Variants in RSRC1 observed in about 807,000 individuals in gnomAD.
The protein encoded by RSRC1 is serine/Arginine-related protein 53.
Under a neutral mutation model 49.1 loss-of-function variants are expected in RSRC1, and 39 were observed. That is an observed-to-expected ratio of 0.79 (90% CI 0.61 to 1.04). The LOEUF is 1.04. Among genes scored for constraint, RSRC1 ranks in the 50% least tolerant of loss-of-function variants. The probability of loss-of-function intolerance (pLI) is 0.00; values close to 1 mark genes in which losing one functional copy is unlikely to be tolerated. For missense variants in RSRC1, 388 were observed against 402.4 expected (o/e 0.96, Z 0.31); for synonymous variants, 143 against 130.8 (o/e 1.09, Z -0.63).
At chr3:158,130,990 G>A (rs367660161) in intron 3 of RSRC1, among the ~76,000 whole-genome samples, 1 of 151,960 alleles carries the variant, frequency 6.6e-6, no homozygotes, top group African/African-American at 2.4e-5. Flanking sequence ...TAGTTTTCTC[G>A]GCTCATTGCA....
chr3:158,412,854 G>T (rs2362970), intron 6 of RSRC1, among the ~76,000 whole-genome samples: 75,954 of 151,768 alleles, frequency 0.5, 19,282 homozygotes, highest in South Asian at 0.6. Context: ...TTTGGGGTTT[G>T]TTTGCTCTAT....
chr3:158,141,834 A>C (rs181601329), intron 3 of RSRC1, among the ~76,000 whole-genome samples: 1 of 152,236 alleles, frequency 6.6e-6, no homozygotes. Flanking sequence ...GTGGTGGCTC[A>C]TGCCTGTAAT....
chr3:158,336,659 A>C (rs150805155), intron 5 of RSRC1: 57 of 152,138 alleles, frequency 3.7e-4, no homozygotes, highest in African/African-American at 1.4e-3. Flanking sequence ...GAAACATTGC[A>C]ACTTCATATT....
At chr3:158,482,809 G>C (rs1738667480) in intron 7 of RSRC1, among the ~76,000 whole-genome samples, 1 of 151,940 alleles carries the variant, frequency 6.6e-6, no homozygotes, top group South Asian at 2.1e-4. Flanking sequence ...CTACTTTATA[G>C]TTATGGTGTC....
chr3:158,366,633 C>CTT (rs375651682), intron 6 of RSRC1, among the ~76,000 whole-genome samples: 4 of 151,898 alleles, frequency 2.6e-5, no homozygotes, highest in African/African-American at 4.8e-5. Flanking sequence ...TATATGGGCT[C>CTT]TTTTTTTTGT....
intron 6 of RSRC1, among the ~76,000 whole-genome samples, chr3:158,377,004 C>G (rs1454820834): frequency 6.6e-6 from 1 of 152,140 alleles, no homozygotes; most frequent in African/African-American, 2.4e-5. Flanking sequence ...CTTCAAGATT[C>G]TTATCCTTCA....
intron 7 of RSRC1, among the ~76,000 whole-genome samples, chr3:158,501,784 T>C (rs141813571): frequency 2.3e-3 from 357 of 152,338 alleles, no homozygotes; most frequent in African/African-American, 8.4e-3. Flanking sequence ...AATAGTTGAT[T>C]GGTAAGTTCT....
chr3:158,215,495 G>T (rs1721902163), intron 4 of RSRC1, among the ~76,000 whole-genome samples: 1 of 151,362 alleles, frequency 6.6e-6, no homozygotes, highest in South Asian at 2.1e-4. Context: ...TATAATTATG[G>T]ATATGTTTGG....
chr3:158,364,288 C>G (rs962760004), intron 6 of RSRC1, among the ~76,000 whole-genome samples: 1 of 142,586 alleles, frequency 7.0e-6, no homozygotes, highest in East Asian at 2.0e-4. Context: ...GGTTTCTGAC[C>G]ACTCACTATC....
intron 4 of RSRC1, among the ~76,000 whole-genome samples, chr3:158,250,195 G>A (rs908708617): frequency 2.6e-5 from 4 of 152,054 alleles, no homozygotes; most frequent in Non-Finnish European, 2.9e-5. Flanking sequence ...ATGTTAGCAC[G>A]TTTTCTTTAT....
chr3:158,512,213 G>A (rs1269843948), intron 7 of RSRC1, among the ~76,000 whole-genome samples: 1 of 146,758 alleles, frequency 6.8e-6, no homozygotes, highest in East Asian at 1.9e-4. Context: ...GAATGGTAAT[G>A]CCTAGGTTTT....
intron 7 of RSRC1, among the ~76,000 whole-genome samples, chr3:158,480,410 CAAAA>C (rs2108435043): frequency 6.6e-6 from 1 of 151,486 alleles, no homozygotes; most frequent in Admixed American, 6.6e-5. Context: ...TATTTAAAGT[CAAAA>C]AGACATTTCA....
chr3:158,132,076 T>A, intron 3 of RSRC1: 1 of 436,752 alleles, frequency 2.3e-6, no homozygotes, highest in Non-Finnish European at 4.7e-6. Flanking sequence ...CTTTACCTCC[T>A]TCACTCAAGG....
At chr3:158,111,340 C>G (rs1285116516) in intron 1 of RSRC1, among the ~76,000 whole-genome samples, 3 of 152,312 alleles carry the variant, frequency 2.0e-5, no homozygotes, top group South Asian at 2.1e-4. Flanking sequence ...GAATCTGAAA[C>G]GACAAAAACA....
At chr3:158,494,589 C>T (rs968416254) in intron 7 of RSRC1, among the ~76,000 whole-genome samples, 1 of 152,094 alleles carries the variant, frequency 6.6e-6, no homozygotes, top group Non-Finnish European at 1.5e-5. Flanking sequence ...AATTTTAAAA[C>T]TTTTTAGCTC....
intron 3 of RSRC1, among the ~76,000 whole-genome samples, chr3:158,161,140 G>T (rs1320239825): frequency 6.6e-6 from 1 of 152,094 alleles, no homozygotes; most frequent in Non-Finnish European, 1.5e-5. Flanking sequence ...ATGCTGCATA[G>T]TAAACCATTT....
chr3:158,242,203 ACC>A (rs1723636198), intron 4 of RSRC1, among the ~76,000 whole-genome samples: 1 of 151,208 alleles, frequency 6.6e-6, no homozygotes, highest in Admixed American at 6.6e-5. Flanking sequence ...TTCTCCTGCC[ACC>A]TCCCATCCTC....
Position 158,518,130 on chromosome 3 carries a change from A to G in RSRC1, c.653-18962A>G, listed in dbSNP as rs1213475136. On this transcript the variant is annotated intron_variant, in intron 7 of 9. Transcript: ENST00000611884. ...TGTGTGTGTGTGTGTGTGTGTGTAT[A>G]TATATATATATATATATATTTTTTT... Among the ~76,000 whole-genome samples the G allele has an allele frequency of 3.3e-3, 259 of 77,752 alleles. 3 individuals are homozygous for G. Among genetic ancestry groups the G allele is most frequent in the East Asian group, 0.025 (88 of 3,568 alleles). The allele number at this position is 77,752 out of a possible 152,430, so 51.0% of individuals were successfully genotyped here.
chr3:158,252,113 A>T (rs1251568606), intron 4 of RSRC1, among the ~76,000 whole-genome samples: 1 of 151,226 alleles, frequency 6.6e-6, no homozygotes, highest in East Asian at 1.9e-4. Flanking sequence ...CATATGTTGA[A>T]CCATTCTTGC....
Sources: allele counts gnomAD v4.1 joint callset (sites outside exome capture counted in the v4.1 genomes callset), GRCh38; gene constraint gnomAD v4.1.1; transcripts MANE v1.5; gene names NCBI Gene and HGNC (gene_info 2026-07-23, HGNC 2026-07-21).